Variants in ROCK1 observed in about 807,000 individuals in gnomAD.
The protein encoded by ROCK1 is Rho associated coiled-coil containing protein kinase 1.
Under a neutral mutation model 196.8 loss-of-function variants are expected in ROCK1, and 36 were observed. The ratio of observed to expected loss-of-function variants is 0.18; its 90% CI spans 0.14 to 0.24. The LOEUF is 0.24. Ranked by LOEUF, ROCK1 falls within the 10% of genes least tolerant of loss-of-function variation. ROCK1 has a pLI of 1.00. For synonymous variants in ROCK1, 443 were observed against 515.9 expected, an observed-to-expected ratio of 0.86 and a Z score of 1.91; for missense variants, 920 against 1,562.0, an observed-to-expected ratio of 0.59 and a Z score of 6.93.
intron 22 of ROCK1, among the ~76,000 whole-genome samples, chr18:20,971,466 C>T (rs1271414263): frequency 6.6e-6 from 1 of 151,854 alleles, no homozygotes; most frequent in African/African-American, 2.4e-5. Flanking sequence ...AGGCCGGAAG[C>T]AGTGGCTCAC....
chr18:20,959,086 T>TATATTTTATA (rs1568367368), intron 29 of ROCK1, among the ~76,000 whole-genome samples: 3 of 29,768 alleles, frequency 1.0e-4, no homozygotes, highest in Non-Finnish European at 1.5e-4. Flanking sequence ...ATATATATAT[T>TATATTTTATA]TTATATAATA....
chr18:21,095,050 C>CA (rs777577556), intron 1 of ROCK1, among the ~76,000 whole-genome samples: 6,897 of 53,194 alleles, frequency 0.13, 806 homozygotes, highest in African/African-American at 0.34. Flanking sequence ...AACTCTGTCT[C>CA]AAAAAAAAAA....
chr18:21,069,372 T>C (rs1326502352), intron 2 of ROCK1, among the ~76,000 whole-genome samples: 2 of 152,178 alleles, frequency 1.3e-5, no homozygotes, highest in East Asian at 1.9e-4. Context: ...TCTCTGCATT[T>C]TTCTCCAATT....
intron 6 of ROCK1, 121 bp from the exon 7 acceptor site, chr18:21,042,830 T>G: frequency 1.0e-6 from 1 of 958,230 alleles, no homozygotes; most frequent in East Asian, 2.6e-5. Flanking sequence ...TATCATATAT[T>G]AAAACTGAAT....
chr18:21,099,321 CTTATAT>C (rs1024017763), intron 1 of ROCK1, among the ~76,000 whole-genome samples: 30 of 151,832 alleles, frequency 2.0e-4, no homozygotes, highest in African/African-American at 7.0e-4. Flanking sequence ...TACATATTTG[CTTATAT>C]TTATAAGAAT....
At chr18:21,014,573 T>C (rs2035847196) in intron 13 of ROCK1, among the ~76,000 whole-genome samples, 1 of 152,228 alleles carries the variant, frequency 6.6e-6, no homozygotes, top group South Asian at 2.1e-4. Flanking sequence ...AAAAGTTAAA[T>C]ATAAGTGGAA....
chr18:21,108,207 C>A (rs2036720167), intron 1 of ROCK1, among the ~76,000 whole-genome samples: 1 of 152,198 alleles, frequency 6.6e-6, no homozygotes, highest in South Asian at 2.1e-4. Context: ...CCAAATCTGT[C>A]TGTTGACTAT....
At chr18:21,107,486 C>G (rs892769282) in intron 1 of ROCK1, among the ~76,000 whole-genome samples, 8 of 152,142 alleles carry the variant, frequency 5.3e-5, no homozygotes, top group African/African-American at 1.9e-4. Context: ...AAGTAAGTAT[C>G]AGTTACACAA....
intron 4 of ROCK1, among the ~76,000 whole-genome samples, chr18:21,047,792 C>T (rs181310085): frequency 1.3e-5 from 2 of 149,006 alleles, no homozygotes; most frequent in Non-Finnish European, 1.5e-5. Context: ...AGCGAGACTC[C>T]GTCTCAAAAA....
chr18:21,012,087 A>G (rs1318017378), intron 13 of ROCK1, among the ~76,000 whole-genome samples: 1 of 152,140 alleles, frequency 6.6e-6, no homozygotes, highest in African/African-American at 2.4e-5. Flanking sequence ...AGCTAGGATT[A>G]CAAGTACACG....
intron 2 of ROCK1, among the ~76,000 whole-genome samples, chr18:21,056,248 T>G (rs1218175928): frequency 2.6e-5 from 4 of 152,192 alleles, no homozygotes; most frequent in Non-Finnish European, 4.4e-5. Flanking sequence ...TCTCTTAAAC[T>G]TCAAACTTAT....
intron 1 of ROCK1, among the ~76,000 whole-genome samples, chr18:21,075,220 G>A (rs1437822325): frequency 4.6e-5 from 7 of 152,138 alleles, no homozygotes; most frequent in Admixed American, 4.6e-4. Flanking sequence ...AAGCAACTAG[G>A]AGGATACTGT....
chr18:21,013,189 A>G (rs1461703430), intron 13 of ROCK1, among the ~76,000 whole-genome samples: 1 of 152,216 alleles, frequency 6.6e-6, no homozygotes, highest in Non-Finnish European at 1.5e-5. Context: ...TCAAACCTGG[A>G]CATCATCTTA....
At chr18:21,076,998 G>A (rs1164188943) in intron 1 of ROCK1, among the ~76,000 whole-genome samples, 25 of 114,516 alleles carry the variant, frequency 2.2e-4, no homozygotes, top group African/African-American at 6.2e-4. Context: ...ACGGAGTCTC[G>A]CTCTGTCGCC....
chr18:21,059,877 T>C (rs1252174458), intron 2 of ROCK1, among the ~76,000 whole-genome samples: 1 of 152,194 alleles, frequency 6.6e-6, no homozygotes, highest in Non-Finnish European at 1.5e-5. Flanking sequence ...TACTGACACA[T>C]GGTATAACAC....
chr18:21,012,404 C>T (rs531968768), intron 13 of ROCK1, among the ~76,000 whole-genome samples: 45 of 152,210 alleles, frequency 3.0e-4, no homozygotes, highest in African/African-American at 1.0e-3. Context: ...TTTAATTGAA[C>T]ACAGAATTCT....
At chr18:21,084,599 A>G (rs1417511837) in intron 1 of ROCK1, among the ~76,000 whole-genome samples, 2 of 152,236 alleles carry the variant, frequency 1.3e-5, no homozygotes, top group Non-Finnish European at 2.9e-5. Context: ...AAAAAATCAG[A>G]AAAGAACAAG....
intron 5 of ROCK1, chr18:21,045,022 GTGTT>G: frequency 4.6e-6 from 1 of 219,310 alleles, no homozygotes; most frequent in Non-Finnish European, 8.1e-6. Context: ...CACCACACCT[GTGTT>G]TTTTTTTTTT....
intron 2 of ROCK1, among the ~76,000 whole-genome samples, chr18:21,050,304 T>TA (rs1409900081): frequency 6.7e-6 from 1 of 149,604 alleles, no homozygotes; most frequent in Non-Finnish European, 1.5e-5. Context: ...AGTGATCCTT[T>TA]AAAAAAAGAT....
Sources: allele counts gnomAD v4.1 joint callset (sites outside exome capture counted in the v4.1 genomes callset), GRCh38; gene constraint gnomAD v4.1.1; transcripts MANE v1.5; gene names NCBI Gene and HGNC (gene_info 2026-07-23, HGNC 2026-07-21).